The following TRPM8 variants were observed in gnomAD, a reference collection of about 807,000 sequenced individuals.
TRPM8 encodes the protein transient receptor potential cation channel subfamily M member 8.
A neutral mutation model predicts 133.7 loss-of-function variants in TRPM8; 110 were observed. The observed-to-expected ratio is 0.82, with a 90% CI of 0.70 to 0.96. The LOEUF (loss-of-function observed/expected upper bound fraction) is 0.96. TRPM8 is among the 40% of genes least tolerant of loss of function. The probability of loss-of-function intolerance (pLI) is 0.00; values close to 1 mark genes in which losing one functional copy is unlikely to be tolerated. For synonymous variants in TRPM8, 535 were observed against 532.3 expected, an observed-to-expected ratio of 1.01 and a Z score of -0.07; for missense variants, 1,291 against 1,379.5, an observed-to-expected ratio of 0.94 and a Z score of 1.02.
At chr2:233,975,261 A>G (rs1340761802) in intron 17 of TRPM8, among the ~76,000 whole-genome samples, 1 of 152,162 alleles carries the variant, frequency 6.6e-6, no homozygotes, top group Non-Finnish European at 1.5e-5. Flanking sequence ...GCATTGATGA[A>G]GCACGGTCTT....
chr2:233,961,257 T>C (rs1691430213), intron 12 of TRPM8, among the ~76,000 whole-genome samples, 191 bp downstream of exon 12: 1 of 152,224 alleles, frequency 6.6e-6, no homozygotes, highest in Non-Finnish European at 1.5e-5. Context: ...CTATTTCTAA[T>C]ATCTTGCTTT....
intron 9 of TRPM8, among the ~76,000 whole-genome samples, chr2:233,951,415 ACT>A (rs1219228025): frequency 6.6e-6 from 1 of 151,954 alleles, no homozygotes; most frequent in Middle Eastern, 3.2e-3. Flanking sequence ...GAAACGGATG[ACT>A]CTTAATTTAT....
rs1441575773 is a variant in TRPM8 at position 233,964,573 on chromosome 2, A to AG, written c.1750-55_1750-54insG. On this transcript the variant is annotated intron_variant, in intron 13 of 25. Transcript: ENST00000324695. ...TCTCAAAAAAAAAAAAAAAAAAAAA[A>AG]AAAAGAAAAGGAAAAAAAAGAATTA... 47 of 1,358,570 alleles carry AG rather than the reference A, an allele frequency of 3.5e-5. No individual in the cohort carries two copies. In the African/African-American group the frequency reaches 6.3e-4, roughly 18 times the overall value. 84.2% of individuals were successfully genotyped at this position (1,358,570 alleles called of 1,614,324 possible).
At position 233,940,551 on chromosome 2, in the gene TRPM8, C is replaced by T. The variant is rs138840674; in HGVS notation, c.526+1376C>T. Among the ~76,000 whole-genome samples, 40 of 152,268 alleles carry T rather than the reference C, an allele frequency of 2.6e-4. No homozygotes were observed. In the East Asian group the frequency reaches 7.5e-3, roughly 29 times the overall value. On this transcript the variant is annotated intron_variant, in intron 5 of 25. Transcript: ENST00000324695. ...ACAAAACGGACAAAAAGTCCCTGGG[C>T]TGGGGCGCCTCTTTCTATGCAGATG...
intron 22 of TRPM8, among the ~76,000 whole-genome samples, chr2:233,997,387 C>T (rs1470942479): frequency 1.3e-5 from 2 of 152,208 alleles, no homozygotes; most frequent in Admixed American, 6.5e-5. Flanking sequence ...CTGATGGAGC[C>T]GTCAGGGAGG....
intron 24 of TRPM8, chr2:234,013,197 T>C (rs947229651): frequency 6.6e-6 from 1 of 152,212 alleles, no homozygotes; most frequent in African/African-American, 2.4e-5. Flanking sequence ...GTTTGGCATT[T>C]GTTCTTCTTT....
chr2:233,926,813 C>G (rs1280079163), intron 2 of TRPM8, among the ~76,000 whole-genome samples, 159 bp downstream of exon 2: 3 of 152,140 alleles, frequency 2.0e-5, no homozygotes, highest in Admixed American at 1.3e-4. Context: ...CCGGTCTGAG[C>G]CTTGAATCAC....
At chr2:233,946,548 T>C (rs1239071820) in intron 7 of TRPM8, among the ~76,000 whole-genome samples, 1 of 152,214 alleles carries the variant, frequency 6.6e-6, no homozygotes, top group Non-Finnish European at 1.5e-5. Context: ...ACTCTCTCTC[T>C]TCCTGTGGAC....
At chr2:233,954,993 A>G in intron 10 of TRPM8, 139 bp from the exon 11 acceptor site, 2 of 633,338 alleles carry the variant, frequency 3.2e-6, no homozygotes, top group Non-Finnish European at 5.7e-6. Context: ...AGAGTGAATG[A>G]CAGTTTGAGT....
At chr2:234,014,827 T>G in intron 25 of TRPM8, 173 bp downstream of exon 25, 4 of 408,972 alleles carry the variant, frequency 9.8e-6, no homozygotes, top group Non-Finnish European at 1.7e-5. Flanking sequence ...AAGTTGAAGT[T>G]CCTCCTCACA....
intron 3 of TRPM8, among the ~76,000 whole-genome samples, chr2:233,933,099 C>A (rs1321069906): frequency 6.6e-6 from 1 of 152,032 alleles, no homozygotes; most frequent in African/African-American, 2.4e-5. Flanking sequence ...CACCTTCTGG[C>A]ACACTATGGG....
intron 4 of TRPM8, 72 bp from the exon 5 acceptor site, chr2:233,938,926 G>T: frequency 6.6e-7 from 1 of 1,520,414 alleles, no homozygotes; most frequent in Non-Finnish European, 9.0e-7. Context: ...CTTGGAAGTT[G>T]GGAGGGAATG....
chr2:233,946,910 G>A (rs1247889665), intron 7 of TRPM8, among the ~76,000 whole-genome samples, 178 bp from the exon 8 acceptor site: 1 of 152,196 alleles, frequency 6.6e-6, no homozygotes, highest in Non-Finnish European at 1.5e-5. Flanking sequence ...TATTACTAGT[G>A]TGGAGCAAAA....
At position 233,927,866 on chromosome 2, in the gene TRPM8, CTT is replaced by C. The variant is rs1202528890; in HGVS notation, c.117+1214_117+1215del. Reference sequence around the variant, plus strand: ...TTCCTTCCTTCCTTTCTTTCTCTTTCTTTCTTTCTTTCTTTCTTTCTTTCTTT... The same window carrying C: ...TTCCTTCCTTCCTTTCTTTCTCTTTCTCTTTCTTTCTTTCTTTCTTTCTTT... On this transcript the variant is annotated intron_variant, in intron 2 of 25. Coordinates refer to ENST00000324695, the MANE Select transcript of TRPM8 (RefSeq NM_024080.5). 6.8e-4 allele frequency among the ~76,000 whole-genome samples: 33 copies of C among 48,644 alleles called. 6 individuals are homozygous for C. Among genetic ancestry groups the C allele is most frequent in the African/African-American group, 4.4e-3 (23 of 5,202 alleles). 31.9% of individuals were successfully genotyped at this position (48,644 alleles called of 152,430 possible). A position where few individuals can be genotyped will look rare whatever the true frequency, so the allele number is the denominator to read the frequency against.
At chr2:233,958,250 A>G (rs1574724147) in intron 11 of TRPM8, among the ~76,000 whole-genome samples, 1 of 152,150 alleles carries the variant, frequency 6.6e-6, no homozygotes, top group East Asian at 1.9e-4. Context: ...AGCTTATTTC[A>G]TCCTCGCAAC....
At chr2:234,009,951 A>G (rs1267423508) in intron 24 of TRPM8, among the ~76,000 whole-genome samples, 2 of 152,134 alleles carry the variant, frequency 1.3e-5, no homozygotes, top group African/African-American at 4.8e-5. Flanking sequence ...ACTTCTACAT[A>G]TTTACCATCT....
chr2:233,920,060 T>C (rs891370994), intron 1 of TRPM8, among the ~76,000 whole-genome samples: 4 of 152,160 alleles, frequency 2.6e-5, no homozygotes, highest in Non-Finnish European at 4.4e-5. Context: ...AGATGCAGAA[T>C]CTGGGGCTCA....
intron 2 of TRPM8, 21 bp downstream of exon 2, chr2:233,926,675 G>T: frequency 6.4e-7 from 1 of 1,570,226 alleles, no homozygotes; most frequent in East Asian, 2.2e-5. Flanking sequence ...CGCATCACCT[G>T]TTTGAAAGGT....
At chr2:233,939,420 T>A (rs1483831045) in intron 5 of TRPM8, among the ~76,000 whole-genome samples, 1 of 152,244 alleles carries the variant, frequency 6.6e-6, no homozygotes, top group Non-Finnish European at 1.5e-5. Flanking sequence ...GGAATTTTTT[T>A]TAATCTTGTA....
Sources: gnomAD v4.1 joint callset for allele counts (sites outside exome capture counted in the v4.1 genomes callset) on GRCh38, gnomAD v4.1.1 for gene constraint, MANE v1.5 for transcripts, NCBI Gene and HGNC (gene_info 2026-07-23, HGNC 2026-07-21) for gene names.